Variants in CBFA2T3 observed in about 807,000 individuals in gnomAD.
The protein encoded by CBFA2T3 is CBFA2/RUNX1 partner transcriptional co-repressor 3, also known as transcriptional corepressor CBFA2T3.
Under a neutral mutation model 58.6 loss-of-function variants are expected in CBFA2T3, and 31 were observed. That is an observed-to-expected ratio of 0.53 (90% CI 0.40 to 0.71). The LOEUF is 0.71. CBFA2T3 is among the 30% of genes least tolerant of loss of function. The probability of loss-of-function intolerance (pLI) is 0.00; values close to 1 mark genes in which losing one functional copy is unlikely to be tolerated. For synonymous variants in CBFA2T3, 531 were observed against 421.9 expected, an observed-to-expected ratio of 1.26 and a Z score of -3.17; for missense variants, 1,076 against 963.1, an observed-to-expected ratio of 1.12 and a Z score of -1.55.
chr16:88,903,165 G>T (rs1468759540), intron 1 of CBFA2T3, among the ~76,000 whole-genome samples: 1 of 152,234 alleles, frequency 6.6e-6, no homozygotes, highest in African/African-American at 2.4e-5. Flanking sequence ...CGGCCACGCG[G>T]ACTCTGTGGA....
intron 1 of CBFA2T3, among the ~76,000 whole-genome samples, chr16:88,925,507 T>C (rs542026): frequency 0.13 from 20,021 of 152,104 alleles, 3,035 homozygotes; most frequent in African/African-American, 0.37. Context: ...CCGAGTGCCC[T>C]GCGCTGCTCT....
intron 10 of CBFA2T3, 52 bp from the exon 11 acceptor site, chr16:88,879,512 TC>T (rs1410029006): frequency 6.5e-7 from 1 of 1,542,398 alleles, no homozygotes; most frequent in Non-Finnish European, 8.9e-7. Context: ...CCCAGATGGG[TC>T]TCTGGACTTC....
At chr16:88,969,393 G>A (rs1010288245) in intron 1 of CBFA2T3, among the ~76,000 whole-genome samples, 1 of 152,238 alleles carries the variant, frequency 6.6e-6, no homozygotes, top group East Asian at 1.9e-4. Context: ...TGGCAGGGGT[G>A]GGAGGCCTGG....
intron 1 of CBFA2T3, among the ~76,000 whole-genome samples, chr16:88,943,951 G>T (rs1971831641): frequency 6.6e-6 from 1 of 152,178 alleles, no homozygotes; most frequent in Non-Finnish European, 1.5e-5. Flanking sequence ...GGCTCGGGAG[G>T]GGGCAGAGCC....
At position 88,934,315 on chromosome 16, in the gene CBFA2T3, A is replaced by G. The variant is rs1971424593; in HGVS notation, c.152-32659T>C. Among the ~76,000 whole-genome samples the G allele has an allele frequency of 2.0e-5, 3 of 152,354 alleles. No homozygotes were observed. The East Asian group carries it at 5.8e-4, about 29-fold the overall frequency. ...TCACAGGAGGGGCCGACTTGGGCCC[A>G]TAGGGGAGGCTCCATGCACGTTCCC... is the stretch of plus-strand genomic sequence containing the variant. On this transcript the variant is annotated intron_variant, in intron 1 of 11. Transcript: ENST00000268679.
At chr16:88,962,375 C>A (rs937724117) in intron 1 of CBFA2T3, among the ~76,000 whole-genome samples, 1 of 152,252 alleles carries the variant, frequency 6.6e-6, no homozygotes, top group African/African-American at 2.4e-5. Flanking sequence ...TAACATGAGA[C>A]GCCATGAACC....
intron 1 of CBFA2T3, among the ~76,000 whole-genome samples, chr16:88,904,126 G>A (rs1331166971): frequency 1.3e-5 from 2 of 152,162 alleles, no homozygotes; most frequent in African/African-American, 4.8e-5. Flanking sequence ...CACCACCTGC[G>A]TGCTCGTGAC....
intron 1 of CBFA2T3, among the ~76,000 whole-genome samples, chr16:88,902,239 G>A (rs1439747215): frequency 6.6e-6 from 1 of 152,200 alleles, no homozygotes; most frequent in African/African-American, 2.4e-5. Context: ...AGGCCGGCAG[G>A]CAGGCCATTT....
At chr16:88,972,322 G>A (rs1052908103) in intron 1 of CBFA2T3, among the ~76,000 whole-genome samples, 2 of 152,300 alleles carry the variant, frequency 1.3e-5, no homozygotes, top group African/African-American at 4.8e-5. Flanking sequence ...TGGAGCCTCC[G>A]GTGGGGAGAT....
chr16:88,898,231 C>G (rs1969962741), intron 2 of CBFA2T3, 79 bp from the exon 3 acceptor site: 1 of 1,071,856 alleles, frequency 9.3e-7, no homozygotes. Flanking sequence ...CCCGCGGCCA[C>G]CTTTTCCTAC....
intron 1 of CBFA2T3, among the ~76,000 whole-genome samples, chr16:88,964,442 G>T (rs1355859710): frequency 6.6e-6 from 1 of 152,218 alleles, no homozygotes; most frequent in Non-Finnish European, 1.5e-5. Flanking sequence ...GGGTTAGGGT[G>T]CAGAAAACTG....
At chr16:88,928,246 G>A (rs567140701) in intron 1 of CBFA2T3, among the ~76,000 whole-genome samples, 32 of 152,304 alleles carry the variant, frequency 2.1e-4, no homozygotes, top group Non-Finnish European at 2.8e-4. Flanking sequence ...CTTCTTGCCC[G>A]GCGTGTGGCA....
intron 1 of CBFA2T3, among the ~76,000 whole-genome samples, chr16:88,926,397 G>A (rs1183498599): frequency 1.3e-5 from 2 of 152,214 alleles, no homozygotes; most frequent in Non-Finnish European, 2.9e-5. Flanking sequence ...GCTGGGGGGC[G>A]TCTGTCCCAG....
chr16:88,880,425 A>G (rs1969020290), intron 10 of CBFA2T3, among the ~76,000 whole-genome samples: 1 of 152,144 alleles, frequency 6.6e-6, no homozygotes, highest in Admixed American at 6.5e-5. Context: ...TGACGCGCCC[A>G]GGCTCCGAGT....
At chr16:88,893,418 G>A (rs899981298) in intron 3 of CBFA2T3, among the ~76,000 whole-genome samples, 4 of 151,956 alleles carry the variant, frequency 2.6e-5, no homozygotes, top group East Asian at 1.9e-4. Context: ...CCAGACAGGT[G>A]ACTCCCAGCC....
At chr16:88,897,400 C>T (rs1165591686) in intron 3 of CBFA2T3, among the ~76,000 whole-genome samples, 1 of 152,258 alleles carries the variant, frequency 6.6e-6, no homozygotes, top group Non-Finnish European at 1.5e-5. Flanking sequence ...CGGAGTCTGT[C>T]TGATGGGCTC....
intron 5 of CBFA2T3, among the ~76,000 whole-genome samples, chr16:88,891,584 G>A (rs936506260): frequency 6.6e-6 from 1 of 152,194 alleles, no homozygotes; most frequent in Non-Finnish European, 1.5e-5. Context: ...GGCAACCAGA[G>A]GCGAACCGGA....
At position 88,948,765 on chromosome 16, in the gene CBFA2T3, C is replaced by T. The variant is rs558433270; in HGVS notation, c.151+27892G>A. ...CCAAACCTCAGTTTTTCCTGTAAAA[C>T]GGGGCTAAGAGCTGGCTGGCCTACA... On this transcript the variant is annotated intron_variant, in intron 1 of 11. Transcript: ENST00000268679. Among the ~76,000 whole-genome samples the T allele has an allele frequency of 1.0e-3, 157 of 152,304 alleles. 1 individual carries two copies. Among genetic ancestry groups the T allele is most frequent in the African/African-American group, 3.5e-3 (145 of 41,568 alleles).
intron 1 of CBFA2T3, among the ~76,000 whole-genome samples, chr16:88,943,295 C>G (rs1433234058): frequency 6.6e-6 from 1 of 152,234 alleles, no homozygotes; most frequent in African/African-American, 2.4e-5. Flanking sequence ...GAAGCCCTCA[C>G]CCAGCACCAG....
Sources: gnomAD v4.1 joint callset for allele counts (sites outside exome capture counted in the v4.1 genomes callset) on GRCh38, gnomAD v4.1.1 for gene constraint, MANE v1.5 for transcripts, NCBI Gene and HGNC (gene_info 2026-07-23, HGNC 2026-07-21) for gene names.